The following NPRL3 variants were observed in gnomAD, a reference collection of about 807,000 sequenced individuals.
NPRL3 encodes GATOR1 complex protein NPRL3.
A neutral mutation model predicts 57.2 loss-of-function variants in NPRL3; 23 were observed. The ratio of observed to expected loss-of-function variants is 0.40; its 90% CI spans 0.29 to 0.57. The LOEUF is 0.57. Ranked by LOEUF, NPRL3 falls within the 20% of genes least tolerant of loss-of-function variation. NPRL3 has a pLI of 0.42. For missense variants in NPRL3, 691 were observed against 767.1 expected, an observed-to-expected ratio of 0.90 and a Z score of 1.17; for synonymous variants, 333 against 321.1, an observed-to-expected ratio of 1.04 and a Z score of -0.39.
chr16:131,740 A>T (rs1900814780), intron 2 of NPRL3, among the ~76,000 whole-genome samples: 1 of 152,084 alleles, frequency 6.6e-6, no homozygotes, highest in South Asian at 2.1e-4. Context: ...GTGCTGTAGC[A>T]ATTTCTTAAA....
chr16:127,891 A>G lies in NPRL3; in HGVS notation c.188+2631T>C, dbSNP rs377378364. Among the ~76,000 whole-genome samples the G allele has an allele frequency of 3.6e-3, 544 of 150,586 alleles. 3 individuals carry two copies. The highest frequency in any genetic ancestry group is 0.012 in the African/African-American group (473 of 41,002). On this transcript the variant is annotated intron_variant, in intron 3 of 13. Transcript: ENST00000611875. ...GGATGAGTCTCGATCTCCTGACCTC[A>G]TGATCCGCCCGCCTTGGCCTCCCAA...
In NPRL3 at chr16:127,983, T is replaced by A. The variant is rs545851829; in HGVS notation, c.188+2539A>T. 1.1e-4 allele frequency among the ~76,000 whole-genome samples: 14 copies of A among 122,700 alleles called. 1 individual carries two copies. The South Asian group carries it at 4.0e-3, about 35-fold the overall frequency. 80.5% of individuals were successfully genotyped at this position (122,700 alleles called of 152,430 possible). A position where few individuals can be genotyped will look rare whatever the true frequency, so the allele number is the denominator to read the frequency against. On this transcript the variant is annotated intron_variant, in intron 3 of 13. Coordinates refer to ENST00000611875, the MANE Select transcript of NPRL3 (RefSeq NM_001077350.3). ...AGTGAATTTTTTATTTCAGTTAATT[T>A]CCATCTTCTTCTTTTTTTTTTTTTT...
At chr16:136,276 T>C (rs1388750232) in intron 2 of NPRL3, among the ~76,000 whole-genome samples, 1 of 152,194 alleles carries the variant, frequency 6.6e-6, no homozygotes, top group Non-Finnish European at 1.5e-5. Flanking sequence ...CCGTGGCCGG[T>C]AAGAAGGACA....
chr16:114,186 T>C (rs973561049), intron 5 of NPRL3, among the ~76,000 whole-genome samples: 1 of 152,204 alleles, frequency 6.6e-6, no homozygotes, highest in Non-Finnish European at 1.5e-5. Context: ...ATGAGTTGGA[T>C]GTCCAGGGCC....
intron 2 of NPRL3, among the ~76,000 whole-genome samples, chr16:134,052 C>T (rs761568993): frequency 6.6e-6 from 1 of 151,888 alleles, no homozygotes; most frequent in Non-Finnish European, 1.5e-5. Context: ...GTAACAGATA[C>T]AATAATAATG....
chr16:137,163 T>C (rs1422743257), intron 2 of NPRL3, among the ~76,000 whole-genome samples: 1 of 151,276 alleles, frequency 6.6e-6, no homozygotes, highest in African/African-American at 2.4e-5. Flanking sequence ...GAGGCTGCAG[T>C]GAGCCGAGAT....
At chr16:111,694 C>G (rs1049247624) in intron 6 of NPRL3, among the ~76,000 whole-genome samples, 4 of 152,092 alleles carry the variant, frequency 2.6e-5, no homozygotes, top group Admixed American at 1.3e-4. Flanking sequence ...CTCAAGCAAT[C>G]TACCTGCCTC....
chr16:118,712 C>G (rs1423228110), intron 4 of NPRL3, among the ~76,000 whole-genome samples: 3 of 152,256 alleles, frequency 2.0e-5, no homozygotes, highest in Non-Finnish European at 4.4e-5. Flanking sequence ...AATCAGGTCT[C>G]CTGCCCAGTA....
intron 2 of NPRL3, among the ~76,000 whole-genome samples, chr16:135,080 G>C (rs1057060064): frequency 6.6e-6 from 1 of 152,188 alleles, no homozygotes; most frequent in Admixed American, 6.5e-5. Flanking sequence ...CCAAGTAAAC[G>C]TGAGAATTTA....
At chr16:119,384 G>T in intron 3 of NPRL3, 129 bp from the exon 4 acceptor site, 1 of 880,630 alleles carries the variant, frequency 1.1e-6, no homozygotes, top group Non-Finnish European at 1.7e-6. Context: ...CCGACTGCTG[G>T]TGGAAGCTAC....
intron 9 of NPRL3, among the ~76,000 whole-genome samples, chr16:95,179 A>G (rs796184339): frequency 1.3e-5 from 2 of 152,206 alleles, no homozygotes; most frequent in African/African-American, 4.8e-5. Flanking sequence ...TCTACTTAGT[A>G]ACATCTCCAA....
intron 2 of NPRL3, among the ~76,000 whole-genome samples, chr16:135,099 A>G (rs1282358271): frequency 6.6e-6 from 1 of 152,246 alleles, no homozygotes; most frequent in Non-Finnish European, 1.5e-5. Context: ...TAGCACGATA[A>G]AGAGAGCAGA....
chr16:93,189 C>T, intron 10 of NPRL3, 30 bp downstream of exon 10: 2 of 1,435,690 alleles, frequency 1.4e-6, no homozygotes, highest in South Asian at 2.4e-5. Flanking sequence ...CCACTCGGGG[C>T]TCCAGGCTCT....
intron 3 of NPRL3, among the ~76,000 whole-genome samples, chr16:128,985 A>G (rs1181210564): frequency 6.6e-6 from 1 of 152,228 alleles, no homozygotes; most frequent in Non-Finnish European, 1.5e-5. Context: ...ATGTGCTAAA[A>G]TTACTGAATG....
chr16:101,263 G>A (rs552747337), intron 7 of NPRL3, among the ~76,000 whole-genome samples: 1 of 152,276 alleles, frequency 6.6e-6, no homozygotes, highest in South Asian at 2.1e-4. Context: ...GTCTCAGAGG[G>A]CGAGGAGGGC....
chr16:134,275 G>A (rs1297648478), intron 2 of NPRL3, among the ~76,000 whole-genome samples: 1 of 151,740 alleles, frequency 6.6e-6, no homozygotes, highest in African/African-American at 2.4e-5. Context: ...CAATTAGGTT[G>A]GAAAAAGCAT....
rs2141907979 is a variant in NPRL3, at chr16:92,704, C to G, written c.1053G>C (p.Gln351His). Residue 351 changes from glutamine (Q) to histidine (H), a missense_variant, in exon 11 of 14, where the codon CAG (glutamine) becomes CAC (histidine). Physicochemically the swap from Gln to His is conservative, Grantham distance 24. Transcript: ENST00000611875. ...SVCLYSPLAE[Q>H]FSHQFPSHDL... ...CATGAGATGGGAACTGGTGGGAGAA[C>G]TGCTCGGCCAGCGGGGAGTACCTGC... 2.5e-6 allele frequency: 4 copies of G among 1,613,768 alleles called. No individual in the cohort carries two copies. Among genetic ancestry groups the G allele is most frequent in the Non-Finnish European group, 3.4e-6 (4 of 1,179,792 alleles).
intron 8 of NPRL3, 137 bp from the exon 9 acceptor site, chr16:98,438 T>C (rs967559919): frequency 2.2e-6 from 2 of 926,186 alleles, no homozygotes; most frequent in Non-Finnish European, 3.2e-6. Flanking sequence ...GCACCAGGTA[T>C]GCACCTGGGA....
At chr16:105,008 C>T (rs893274421) in intron 7 of NPRL3, among the ~76,000 whole-genome samples, 1 of 152,150 alleles carries the variant, frequency 6.6e-6, no homozygotes, top group Non-Finnish European at 1.5e-5. Flanking sequence ...GGTTTCCTGC[C>T]GAGCTTGCAC....
Sources: allele counts gnomAD v4.1 joint callset (sites outside exome capture counted in the v4.1 genomes callset), GRCh38; gene constraint gnomAD v4.1.1; transcripts MANE v1.5; gene names NCBI Gene and HGNC (gene_info 2026-07-23, HGNC 2026-07-21).